Variants in TTLL5 observed in about 807,000 individuals in gnomAD.
TTLL5 encodes tubulin tyrosine ligase like 5, also known as tubulin polyglutamylase TTLL5.
A neutral mutation model predicts 168.4 loss-of-function variants in TTLL5; 132 were observed. That is an observed-to-expected ratio of 0.78 (90% CI 0.68 to 0.91). TTLL5 has a LOEUF of 0.91. TTLL5 is among the 40% of genes least tolerant of loss of function. TTLL5 has a pLI of 0.00. For missense variants in TTLL5, 1,545 were observed against 1,581.5 expected, an observed-to-expected ratio of 0.98 and a Z score of 0.39; for synonymous variants, 546 against 558.6, an observed-to-expected ratio of 0.98 and a Z score of 0.32.
chr14:75,758,537 G>A (rs541391430), intron 18 of TTLL5, among the ~76,000 whole-genome samples: 3 of 152,216 alleles, frequency 2.0e-5, no homozygotes, highest in Non-Finnish European at 4.4e-5. Flanking sequence ...TAAATGAAGA[G>A]CACTGAGTTC....
intron 29 of TTLL5, among the ~76,000 whole-genome samples, chr14:75,867,319 C>G (rs552516492): frequency 2.6e-5 from 4 of 152,272 alleles, no homozygotes; most frequent in Admixed American, 2.6e-4. Context: ...AATTGTTCCT[C>G]CATCCCATTT....
intron 26 of TTLL5, among the ~76,000 whole-genome samples, chr14:75,787,746 A>G (rs569408270): frequency 5.3e-5 from 8 of 152,334 alleles, no homozygotes; most frequent in Non-Finnish European, 7.3e-5. Context: ...CATACCCTAC[A>G]TCATAAACAA....
chr14:75,788,174 G>T (rs935038555), intron 26 of TTLL5, among the ~76,000 whole-genome samples: 1 of 152,014 alleles, frequency 6.6e-6, no homozygotes, highest in Admixed American at 6.6e-5. Flanking sequence ...TATTTGAAAA[G>T]AAGACAGGCT....
Position 75,749,921 on chromosome 14 carries a change from TATA to T in TTLL5, c.1488-2967_1488-2965del, listed in dbSNP as rs547153891. ...ATGTTTATGGAAAATTATTTACACATATAATAAGAATAGCTTTATTACTTTATT... is the reference window on the plus strand; with the variant it reads ...ATGTTTATGGAAAATTATTTACACATATAAGAATAGCTTTATTACTTTATT... On this transcript the variant is annotated intron_variant, in intron 17 of 31. Transcript: ENST00000298832. 1.3e-3 allele frequency among the ~76,000 whole-genome samples: 198 copies of T among 152,316 alleles called. 1 individual carries two copies. Among genetic ancestry groups the T allele is most frequent in the African/African-American group, 4.5e-3 (188 of 41,564 alleles).
Position 75,750,749 on chromosome 14 carries a change from A to G in TTLL5, c.1488-2144A>G, listed in dbSNP as rs564742372. Among the ~76,000 whole-genome samples, 30 of 152,278 alleles carry G rather than the reference A, an allele frequency of 2.0e-4. No homozygotes were observed. The South Asian group carries it at 5.4e-3, about 27-fold the overall frequency. On this transcript the variant is annotated intron_variant, in intron 17 of 31. Coordinates refer to ENST00000298832, the MANE Select transcript of TTLL5 (RefSeq NM_015072.5). Reference sequence around the variant, plus strand: ...AACTATATATACTATGTTTTTTACTATATATGTACCCATGATAAAGTTAAA... The same window carrying G: ...AACTATATATACTATGTTTTTTACTGTATATGTACCCATGATAAAGTTAAA...
chr14:75,719,786 T>A lies in TTLL5; in HGVS notation c.894T>A (p.Ala298=). Residue 298 remains alanine, a synonymous_variant, in exon 11 of 32, where the codon GCT becomes GCA. Transcript: ENST00000298832. ...EDYGNKWSMS[A]MLRYLKQEGR... ...ATGGAAACAAATGGAGCATGAGTGC[T>A]ATGCTTAGGTACCTGAAACAAGAAG... 6.2e-7 allele frequency: 1 copy of A among 1,613,974 alleles called. No individual in the cohort carries two copies. Among genetic ancestry groups the A allele is most frequent in the East Asian group, 2.2e-5 (1 of 44,850 alleles).
intron 3 of TTLL5, among the ~76,000 whole-genome samples, chr14:75,674,360 A>G (rs973669673): frequency 2.6e-5 from 4 of 152,156 alleles, no homozygotes; most frequent in Non-Finnish European, 4.4e-5. Flanking sequence ...TGGCTCTCTT[A>G]AATAGCTGAC....
At chr14:75,906,233 A>C (rs549842279) in intron 31 of TTLL5, among the ~76,000 whole-genome samples, 2 of 152,168 alleles carry the variant, frequency 1.3e-5, no homozygotes, top group Admixed American at 1.3e-4. Context: ...GCCTATTTTC[A>C]TGATCAGATT....
At position 75,783,359 on chromosome 14, in the gene TTLL5, G is replaced by A. The variant is rs200806918; in HGVS notation, c.2815G>A (p.Val939Ile). ...CCAGCCAACAATTTTACTGAACACA[G>A]TCTCTGCCAGTGCTTCTCCCTGCCT... Reference protein sequence around the residue: ...PHQPTILLNTVSASASPCLHP... With the variant: ...PHQPTILLNTISASASPCLHP... Residue 939 changes from valine (V) to isoleucine (I), a missense_variant, in exon 26 of 32, where the codon GTC becomes ATC. Coordinates refer to ENST00000298832, the MANE Select transcript of TTLL5 (RefSeq NM_015072.5). 9.0e-5 allele frequency: 145 copies of A among 1,614,014 alleles called. No individual in the cohort carries two copies. Among genetic ancestry groups the A allele is most frequent in the Non-Finnish European group, 1.2e-4 (143 of 1,180,024 alleles).
intron 7 of TTLL5, among the ~76,000 whole-genome samples, chr14:75,701,615 G>C (rs1036752987): frequency 6.6e-6 from 1 of 152,204 alleles, no homozygotes; most frequent in Non-Finnish European, 1.5e-5. Flanking sequence ...CTTGGGCAGA[G>C]CTACCTTTCT....
chr14:75,799,754 G>A (rs1227307373), intron 27 of TTLL5, among the ~76,000 whole-genome samples: 2 of 152,144 alleles, frequency 1.3e-5, no homozygotes, highest in Admixed American at 1.3e-4. Flanking sequence ...CAAGATTGTT[G>A]GCTGATAATT....
intron 5 of TTLL5, among the ~76,000 whole-genome samples, chr14:75,687,769 AAT>A (rs1305308570): frequency 6.6e-6 from 1 of 152,248 alleles, no homozygotes; most frequent in Non-Finnish European, 1.5e-5. Flanking sequence ...AAGTGGGTAA[AAT>A]ATCTGAATGG....
intron 30 of TTLL5, among the ~76,000 whole-genome samples, chr14:75,900,227 G>A (rs2032864322): frequency 6.6e-6 from 1 of 152,128 alleles, no homozygotes; most frequent in South Asian, 2.1e-4. Flanking sequence ...ATGGGAAAAG[G>A]GAGAAGCTCT....
chr14:75,842,391 T>A (rs1219704187), intron 28 of TTLL5, among the ~76,000 whole-genome samples: 1 of 152,164 alleles, frequency 6.6e-6, no homozygotes, highest in African/African-American at 2.4e-5. Context: ...GGAGTACAAC[T>A]GAGAGGAGGC....
intron 31 of TTLL5, among the ~76,000 whole-genome samples, chr14:75,925,741 T>C (rs984170695): frequency 5.3e-5 from 8 of 152,030 alleles, no homozygotes; most frequent in African/African-American, 1.7e-4. Flanking sequence ...ATCACGCCAC[T>C]GCACTCCAGC....
intron 12 of TTLL5, among the ~76,000 whole-genome samples, chr14:75,724,017 T>G (rs538784190): frequency 3.2e-4 from 35 of 107,794 alleles, no homozygotes; most frequent in Non-Finnish European, 6.3e-4. Flanking sequence ...AAGCTAGTTG[T>G]TTTTTTTTTT....
At chr14:75,890,164 A>G (rs1298359553) in intron 30 of TTLL5, among the ~76,000 whole-genome samples, 2 of 152,204 alleles carry the variant, frequency 1.3e-5, no homozygotes, top group South Asian at 2.1e-4. Flanking sequence ...GGTTAGTAGC[A>G]TCCGCCACAC....
intron 18 of TTLL5, 132 bp downstream of exon 18, chr14:75,753,087 G>C: frequency 2.6e-6 from 2 of 775,816 alleles, no homozygotes; most frequent in South Asian, 2.1e-5. Flanking sequence ...CCTGTAGAAA[G>C]CATGCTATCA....
intron 18 of TTLL5, among the ~76,000 whole-genome samples, chr14:75,754,829 A>AG (rs892181207): frequency 1.3e-5 from 2 of 152,126 alleles, no homozygotes; most frequent in African/African-American, 4.8e-5. Context: ...ATAGTTTCCT[A>AG]CATTTATATG....
Sources: gnomAD v4.1 joint callset for allele counts (sites outside exome capture counted in the v4.1 genomes callset) on GRCh38, gnomAD v4.1.1 for gene constraint, MANE v1.5 for transcripts, NCBI Gene and HGNC (gene_info 2026-07-23, HGNC 2026-07-21) for gene names.